TRMT9B: variants seen among roughly 807,000 people sequenced by gnomAD.
TRMT9B encodes the protein probable tRNA methyltransferase 9B.
TRMT9B carries 16 observed loss-of-function variants against 11.5 expected under a neutral mutation model. The ratio of observed to expected loss-of-function variants is 1.39; its 90% CI spans 0.94 to 2.11. TRMT9B has a LOEUF of 2.11. Ranked by LOEUF, TRMT9B falls within the 30% of genes most tolerant of loss-of-function variation. TRMT9B has a pLI of 0.00. For missense variants in TRMT9B, 941 were observed against 553.8 expected (o/e 1.70, Z -7.02); for synonymous variants, 274 against 192.4 (o/e 1.42, Z -3.51).
intron 1 of TRMT9B, chr8:12,951,655 C>A (rs1318627579): frequency 6.6e-6 from 1 of 152,016 alleles, no homozygotes; most frequent in Non-Finnish European, 1.5e-5. Flanking sequence ...GGCCTGGGTT[C>A]CCGGACAGCT....
chr8:13,019,192 G>A (rs1813354415), intron 4 of TRMT9B, among the ~76,000 whole-genome samples: 1 of 152,192 alleles, frequency 6.6e-6, no homozygotes, highest in Non-Finnish European at 1.5e-5. Flanking sequence ...AAGATGGATT[G>A]TATTTAGAAA....
At chr8:12,972,654 A>T (rs1207205480) in intron 1 of TRMT9B, among the ~76,000 whole-genome samples, 1 of 152,024 alleles carries the variant, frequency 6.6e-6, no homozygotes, top group Non-Finnish European at 1.5e-5. Flanking sequence ...CGCCCTCTCC[A>T]CACAAAGCGG....
At chr8:12,948,776 C>T (rs548359726) in intron 1 of TRMT9B, among the ~76,000 whole-genome samples, 107 of 152,044 alleles carry the variant, frequency 7.0e-4, no homozygotes, top group Non-Finnish European at 1.0e-3. Context: ...CTGGCTAACA[C>T]GGTGAAACCT....
At chr8:12,984,968 C>CA (rs1779350175) in intron 1 of TRMT9B, among the ~76,000 whole-genome samples, 1 of 143,818 alleles carries the variant, frequency 7.0e-6, no homozygotes, top group Non-Finnish European at 1.5e-5. Flanking sequence ...CACACACACA[C>CA]ACACACACAC....
At chr8:13,012,196 A>G (rs1019204425) in intron 3 of TRMT9B, 1 of 985,268 alleles carries the variant, frequency 1.0e-6, no homozygotes, top group African/African-American at 1.8e-5. Context: ...TCTATATGAG[A>G]ATCTGTAAGT....
chr8:12,962,145 T>C (rs1421895168), intron 1 of TRMT9B: 1 of 152,418 alleles, frequency 6.6e-6, no homozygotes, highest in African/African-American at 2.4e-5. Context: ...CAGGAAGCTC[T>C]TGGGGCTATG....
chr8:12,975,201 C>G (rs891928259), intron 1 of TRMT9B, among the ~76,000 whole-genome samples: 1 of 151,930 alleles, frequency 6.6e-6, no homozygotes, highest in Non-Finnish European at 1.5e-5. Flanking sequence ...ATCCTCATCT[C>G]TCTTCCAGGA....
chr8:12,981,361 A>C (rs1277385373), intron 1 of TRMT9B, among the ~76,000 whole-genome samples: 1 of 152,186 alleles, frequency 6.6e-6, no homozygotes, highest in Non-Finnish European at 1.5e-5. Context: ...GTGGGACATC[A>C]TGAGCAAAGA....
Position 13,021,219 on chromosome 8 carries a change from G to C in TRMT9B, c.540G>C (p.Gln180His), listed in dbSNP as rs761937857. 6.2e-7 allele frequency: 1 copy of C among 1,613,802 alleles called. No homozygotes were observed. The highest frequency in any genetic ancestry group is 8.5e-7 in the Non-Finnish European group (1 of 1,179,828). The stretch of plus-strand genomic sequence containing the variant: ...CCAGCCAGTCTGGGAGGAAGAGGCA[G>C]TGTGGATACCCAGAAAGAGGCCATC... ...SESSQSGRKRQCGYPERGHPY... is the reference protein window; with the variant it reads ...SESSQSGRKRHCGYPERGHPY... The change falls in exon 5 of 5, where the codon CAG becomes CAC. Residue 180 changes from glutamine to histidine, a missense_variant. Physicochemically the swap from Gln to His is conservative, Grantham distance 24 (BLOSUM62 0). Transcript: ENST00000524591.
intron 1 of TRMT9B, among the ~76,000 whole-genome samples, chr8:12,982,715 T>A (rs1238202293): frequency 6.6e-6 from 1 of 151,834 alleles, no homozygotes; most frequent in Non-Finnish European, 1.5e-5. Context: ...TTAGTACAGG[T>A]TGGATATTTC....
At chr8:12,959,234 C>T (rs561638700) in intron 1 of TRMT9B, among the ~76,000 whole-genome samples, 3 of 152,192 alleles carry the variant, frequency 2.0e-5, no homozygotes, top group South Asian at 4.2e-4. Flanking sequence ...TTGAAATGCT[C>T]CAGTATCCAA....
intron 2 of TRMT9B, 35 bp downstream of exon 2, chr8:12,991,066 C>A (rs1330248076): frequency 4.0e-5 from 43 of 1,086,348 alleles, no homozygotes; most frequent in Non-Finnish European, 4.8e-5. Flanking sequence ...AACTCACATA[C>A]CATGAGGTGT....
At chr8:13,017,080 A>ACT (rs1812853596) in intron 4 of TRMT9B, among the ~76,000 whole-genome samples, 1 of 150,780 alleles carries the variant, frequency 6.6e-6, no homozygotes, top group Non-Finnish European at 1.5e-5. Flanking sequence ...ACCAGGTCAC[A>ACT]CCACTGCACT....
Position 13,021,194 on chromosome 8 carries a change from C to G in TRMT9B, c.515C>G (p.Ser172Cys). The G allele has an allele frequency of 6.2e-7, 1 of 1,613,716 alleles. No individual in the cohort carries two copies. Among genetic ancestry groups the G allele is most frequent in the South Asian group, 1.1e-5 (1 of 91,014 alleles). The change falls in exon 5 of 5, where the codon TCC becomes TGC. Residue 172 changes from serine to cysteine, a missense_variant. Transcript: ENST00000524591. ...CTGTGTTCCCAGCTCTTCTCAGAGT[C>G]CAGCCAGTCTGGGAGGAAGAGGCAG... is the stretch of plus-strand genomic sequence containing the variant. ...RALCSQLFSESSQSGRKRQCG... is the reference protein window; with the variant it reads ...RALCSQLFSECSQSGRKRQCG...
chr8:12,953,977 T>C (rs1800969999), intron 1 of TRMT9B, among the ~76,000 whole-genome samples: 1 of 152,226 alleles, frequency 6.6e-6, no homozygotes, highest in Non-Finnish European at 1.5e-5. Context: ...AAAGATTCAA[T>C]TACCGTAATG....
rs570671726 is a variant in TRMT9B, at chr8:12,979,187, A to G, written c.-199-11647A>G. 2.6e-4 allele frequency among the ~76,000 whole-genome samples: 39 copies of G among 152,304 alleles called. 1 individual carries two copies. In the South Asian group the frequency reaches 6.2e-3, roughly 24 times the overall value. ...GTTGTCCTTTTCAGGGGAGTGACCT[A>G]GTGCTGCATCCAAAAATTCTCATTC... is the stretch of plus-strand genomic sequence containing the variant. On this transcript the variant is annotated intron_variant, in intron 1 of 4. Coordinates refer to ENST00000524591, the MANE Select transcript of TRMT9B (RefSeq NM_020844.3).
At position 12,982,244 on chromosome 8, in the gene TRMT9B, G is replaced by T. The variant is rs1422583549; in HGVS notation, c.-199-8590G>T. Among the ~76,000 whole-genome samples the T allele has an allele frequency of 3.9e-5, 6 of 152,254 alleles. No individual in the cohort carries two copies. The East Asian group carries it at 1.2e-3, about 29-fold the overall frequency. On this transcript the variant is annotated intron_variant, in intron 1 of 4. Transcript: ENST00000524591. ...TGAGGACTTAACCCCAGGCAGAGGT[G>T]ATAGGGAAGGGGCAGGGTTACTCAC...
At chr8:13,020,392 C>T (rs897817177) in intron 4 of TRMT9B, among the ~76,000 whole-genome samples, 1 of 152,120 alleles carries the variant, frequency 6.6e-6, no homozygotes, top group East Asian at 1.9e-4. Context: ...TTCGACTTTG[C>T]AGGAATTGGA....
chr8:13,025,386 G>C lies in TRMT9B; in HGVS notation c.*3342G>C, dbSNP rs575706000. ...ACAAAAAATTAGCCAGGTTGGTGGC[G>C]CATGCCTGTAATCCCAGCTACTTGG... On this transcript the variant is annotated 3_prime_UTR_variant, in exon 5 of 5. Coordinates refer to ENST00000524591, the MANE Select transcript of TRMT9B (RefSeq NM_020844.3). 1 of 158,118 alleles carries C rather than the reference G, an allele frequency of 6.3e-6. No individual in the cohort carries two copies. The highest frequency in any genetic ancestry group is 1.5e-5 in the Non-Finnish European group (1 of 68,228). The allele number at this position is 158,118 out of a possible 1,614,324, so 9.8% of individuals were successfully genotyped here.
Sources: allele counts gnomAD v4.1 joint callset (sites outside exome capture counted in the v4.1 genomes callset), GRCh38; gene constraint gnomAD v4.1.1; transcripts MANE v1.5; gene names NCBI Gene and HGNC (gene_info 2026-07-23, HGNC 2026-07-21).